The following BICDL1 variants were observed in gnomAD, a reference collection of about 807,000 sequenced individuals.
BICDL1 encodes BICD family-like cargo adapter 1.
BICDL1 carries 20 observed loss-of-function variants against 76.8 expected under a neutral mutation model. The observed-to-expected ratio is 0.26, with a 90% CI of 0.18 to 0.38. The LOEUF is 0.38. Among genes scored for constraint, BICDL1 ranks in the 10% least tolerant of loss-of-function variants. BICDL1 has a pLI of 1.00. For synonymous variants in BICDL1, 383 were observed against 337.1 expected, an observed-to-expected ratio of 1.14 and a Z score of -1.49; for missense variants, 700 against 798.6, an observed-to-expected ratio of 0.88 and a Z score of 1.49.
chr12:120,072,551 A>G lies in BICDL1; in HGVS notation c.1130A>G (p.Tyr377Cys). 6.2e-7 allele frequency: 1 copy of G among 1,614,166 alleles called. No homozygotes were observed. The highest frequency in any genetic ancestry group is 8.5e-7 in the Non-Finnish European group (1 of 1,180,010). The change falls in exon 6 of 10, where the codon TAT becomes TGT. Residue 377 changes from tyrosine (Y) to cysteine (C), a missense_variant. Coordinates refer to ENST00000548673, the MANE Select transcript of BICDL1 (RefSeq NM_001367886.1). ...QLWEAYCQVR[Y>C]LCSHLRGNDS... is the part of the protein sequence containing the mutation. ...TGGGAAGCCTACTGCCAGGTTCGCT[A>G]TCTGTGCTCACACCTTCGAGGCAAT... is the stretch of plus-strand genomic sequence containing the variant.
intron 2 of BICDL1, among the ~76,000 whole-genome samples, chr12:120,056,112 C>T (rs1952966010): frequency 6.6e-6 from 1 of 152,212 alleles, no homozygotes; most frequent in South Asian, 2.1e-4. Context: ...CAAGAAAGAT[C>T]TAATAGTGAT....
chr12:119,996,267 T>C (rs1951643471), intron 1 of BICDL1, among the ~76,000 whole-genome samples: 1 of 152,194 alleles, frequency 6.6e-6, no homozygotes, highest in South Asian at 2.1e-4. Context: ...GTTTTTATCT[T>C]TTGGCACATT....
At chr12:120,055,494 G>A (rs1222100722) in intron 2 of BICDL1, among the ~76,000 whole-genome samples, 3 of 152,150 alleles carry the variant, frequency 2.0e-5, no homozygotes, top group Non-Finnish European at 1.5e-5. Context: ...AACAGGAAAA[G>A]GAACACACTG....
chr12:120,013,200 G>GCT (rs1295227637), intron 2 of BICDL1, among the ~76,000 whole-genome samples: 4 of 151,786 alleles, frequency 2.6e-5, no homozygotes, highest in African/African-American at 9.7e-5. Flanking sequence ...TGTAGTCCCA[G>GCT]CTACTCAGAA....
At position 120,091,301 on chromosome 12, in the gene BICDL1, G is replaced by A. The variant is rs1262331920; in HGVS notation, c.1704+1230G>A. 18 of 1,069,936 alleles carry A rather than the reference G, an allele frequency of 1.7e-5. No homozygotes were observed. The African/African-American group carries it at 2.8e-4, about 17-fold the overall frequency. 66.3% of individuals were successfully genotyped at this position (1,069,936 alleles called of 1,614,324 possible). A position where few individuals can be genotyped will look rare whatever the true frequency, so the allele number is the denominator to read the frequency against. ...AGGCCTGGAATGATGAGCAGCGTGTGTCTGGGAAACTCTAAAGGGCGACCT... is the reference window on the plus strand; with the variant it reads ...AGGCCTGGAATGATGAGCAGCGTGTATCTGGGAAACTCTAAAGGGCGACCT... On this transcript the variant is annotated intron_variant, in intron 9 of 9. Transcript: ENST00000548673.
intron 4 of BICDL1, among the ~76,000 whole-genome samples, chr12:120,068,596 A>G (rs1191406572): frequency 1.6e-4 from 25 of 152,224 alleles, no homozygotes. Context: ...TGGGCAGATA[A>G]CTTGAGGTCA....
chr12:120,021,261 G>T (rs1952172702), intron 2 of BICDL1, among the ~76,000 whole-genome samples: 1 of 151,044 alleles, frequency 6.6e-6, no homozygotes, highest in African/African-American at 2.4e-5. Context: ...TCCAGCCTGG[G>T]CGACAGAGCA....
chr12:120,006,707 C>T (rs1485270985), intron 2 of BICDL1, among the ~76,000 whole-genome samples: 5 of 152,146 alleles, frequency 3.3e-5, no homozygotes, highest in Admixed American at 6.6e-5. Flanking sequence ...AAGAAGGCTG[C>T]TATGACTGGG....
At chr12:120,026,094 T>C (rs948604639) in intron 2 of BICDL1, among the ~76,000 whole-genome samples, 4 of 152,164 alleles carry the variant, frequency 2.6e-5, no homozygotes, top group African/African-American at 9.6e-5. Flanking sequence ...CACCTCGGCC[T>C]CCCAAAGTGC....
At chr12:120,049,776 A>G (rs745676594) in intron 2 of BICDL1, among the ~76,000 whole-genome samples, 1 of 152,188 alleles carries the variant, frequency 6.6e-6, no homozygotes, top group Non-Finnish European at 1.5e-5. Context: ...TCTGTATTGT[A>G]GTGTAGATAA....
intron 8 of BICDL1, among the ~76,000 whole-genome samples, chr12:120,084,199 T>C (rs1459904017): frequency 6.6e-6 from 1 of 152,070 alleles, no homozygotes; most frequent in Non-Finnish European, 1.5e-5. Flanking sequence ...AGACAGGGTT[T>C]CACCGTGTTA....
intron 2 of BICDL1, among the ~76,000 whole-genome samples, chr12:120,003,725 T>G (rs1038364061): frequency 1.2e-4 from 18 of 152,234 alleles, no homozygotes; most frequent in Non-Finnish European, 2.1e-4. Flanking sequence ...GTGCATTGAT[T>G]TAAAGTCTGC....
At chr12:120,061,853 G>T in intron 3 of BICDL1, 27 bp downstream of exon 3, 1 of 1,542,204 alleles carries the variant, frequency 6.5e-7, no homozygotes, top group Non-Finnish European at 9.0e-7. Context: ...AGCAGTGCTG[G>T]AAGGTGGAGT....
chr12:120,074,226 GA>G, intron 6 of BICDL1, among the ~76,000 whole-genome samples: 1 of 149,784 alleles, frequency 6.7e-6, no homozygotes, highest in Non-Finnish European at 1.5e-5. Flanking sequence ...CTCTCTTCTT[GA>G]CCCCTTCTTC....
chr12:120,069,275 G>A (rs1165259299), intron 4 of BICDL1, among the ~76,000 whole-genome samples: 1 of 152,140 alleles, frequency 6.6e-6, no homozygotes, highest in Non-Finnish European at 1.5e-5. Flanking sequence ...CTTCAGAAAA[G>A]GACTGAGAGA....
In BICDL1 at chr12:120,064,816, C is replaced by A. The variant is rs1374344796; in HGVS notation, c.846C>A (p.Thr282=). Residue 282 remains threonine (T), a synonymous_variant, in exon 4 of 10, where the codon ACC becomes ACA. Coordinates refer to ENST00000548673, the MANE Select transcript of BICDL1 (RefSeq NM_001367886.1). ...TLEENDLLQG[T]VEELQDRVLI... ...AGGAAAATGACCTGCTCCAAGGGACCGTGGAGGAGCTACAGGACCGGGTGC... is the reference window on the plus strand; with the variant it reads ...AGGAAAATGACCTGCTCCAAGGGACAGTGGAGGAGCTACAGGACCGGGTGC... 1.2e-6 allele frequency: 2 copies of A among 1,613,588 alleles called. No individual in the cohort carries two copies. Among genetic ancestry groups the A allele is most frequent in the Admixed American group, 1.7e-5 (1 of 59,974 alleles).
chr12:120,068,045 A>G (rs1156508091), intron 4 of BICDL1, among the ~76,000 whole-genome samples: 26 of 152,186 alleles, frequency 1.7e-4, no homozygotes, highest in Admixed American at 1.7e-3. Flanking sequence ...CCATTAGCCA[A>G]TCATTTCGAA....
chr12:120,050,568 A>G (rs1229494373), intron 2 of BICDL1, among the ~76,000 whole-genome samples: 1 of 149,066 alleles, frequency 6.7e-6, no homozygotes, highest in Non-Finnish European at 1.5e-5. Context: ...CGCCTGGCCT[A>G]GATCTGTTTT....
chr12:119,989,987 C>A lies in BICDL1; in HGVS notation c.119C>A (p.Ala40Asp). Residue 40 changes from alanine to aspartate, a missense_variant, in exon 1 of 10, where the codon GCC (alanine) becomes GAC (aspartate). Ala to Asp is a moderately radical substitution (Grantham distance 126). Transcript: ENST00000548673. ...AGDAVRSPAA[A>D]AALIFPGGSG... ...GACGCAGTCCGGAGTCCCGCCGCCGCCGCCGCCCTCATCTTCCCCGGGGGC... is the reference window on the plus strand; with the variant it reads ...GACGCAGTCCGGAGTCCCGCCGCCGACGCCGCCCTCATCTTCCCCGGGGGC... The A allele has an allele frequency of 6.8e-7, 1 of 1,474,474 alleles. No individual in the cohort carries two copies. The highest frequency in any genetic ancestry group is 8.9e-7 in the Non-Finnish European group (1 of 1,126,744). The allele number at this position is 1,474,474 out of a possible 1,614,324, so 91.3% of individuals were successfully genotyped here. A position where few individuals can be genotyped will look rare whatever the true frequency, so the allele number is the denominator to read the frequency against.
Sources: allele counts gnomAD v4.1 joint callset (sites outside exome capture counted in the v4.1 genomes callset), GRCh38; gene constraint gnomAD v4.1.1; transcripts MANE v1.5; gene names NCBI Gene and HGNC (gene_info 2026-07-23, HGNC 2026-07-21).